The following CNTNAP4 variants were observed in gnomAD, a reference collection of about 807,000 sequenced individuals.
CNTNAP4 encodes the protein contactin associated protein family member 4.
Under a neutral mutation model 148.4 loss-of-function variants are expected in CNTNAP4, and 98 were observed. The observed-to-expected ratio is 0.66, with a 90% confidence interval of 0.56 to 0.78. The LOEUF is 0.78. CNTNAP4 is among the 30% of genes least tolerant of loss of function. The pLI is 0.00. For missense variants in CNTNAP4, 1,935 were observed against 1,565.6 expected (o/e 1.24, Z -3.98); for synonymous variants, 730 against 565.1 (o/e 1.29, Z -4.14).
intron 15 of CNTNAP4, among the ~76,000 whole-genome samples, chr16:76,511,235 A>G (rs1325971660): frequency 2.0e-5 from 3 of 152,162 alleles, no homozygotes; most frequent in Non-Finnish European, 4.4e-5. Flanking sequence ...ATGTTTAATC[A>G]AAGCACCCTG....
chr16:76,413,876 A>G (rs1324332475), intron 3 of CNTNAP4, among the ~76,000 whole-genome samples: 2 of 151,252 alleles, frequency 1.3e-5, no homozygotes, highest in Admixed American at 6.6e-5. Context: ...CAAAAATTTC[A>G]CTTTCTGTTG....
At chr16:76,548,893 T>C (rs1417805503) in intron 21 of CNTNAP4, among the ~76,000 whole-genome samples, 4 of 152,216 alleles carry the variant, frequency 2.6e-5, no homozygotes, top group African/African-American at 9.6e-5. Flanking sequence ...AGATATCTGA[T>C]GCTATGTATT....
At chr16:76,326,183 A>G (rs1186924804) in intron 2 of CNTNAP4, among the ~76,000 whole-genome samples, 1 of 152,232 alleles carries the variant, frequency 6.6e-6, no homozygotes, top group Middle Eastern at 3.2e-3. Context: ...AAGGAAAATT[A>G]AAAGCCACTC....
rs75518256 is a variant in CNTNAP4 at position 76,291,378 on chromosome 16, G to T, written c.85+13631G>T. Among the ~76,000 whole-genome samples, 1,215 of 152,248 alleles carry T rather than the reference G, an allele frequency of 8.0e-3. 18 individuals are homozygous for T. Among genetic ancestry groups the T allele is most frequent in the African/African-American group, 0.028 (1,157 of 41,538 alleles). ...CCACCACTGCCTGGTGGACATGGGG[G>T]TACCACTATCTATCCCTTCTTTTTC... is the stretch of plus-strand genomic sequence containing the variant. On this transcript the variant is annotated intron_variant, in intron 1 of 23. Coordinates refer to ENST00000611870, the MANE Select transcript of CNTNAP4 (RefSeq NM_033401.5).
At chr16:76,472,693 T>C (rs1387911444) in intron 10 of CNTNAP4, among the ~76,000 whole-genome samples, 1 of 152,322 alleles carries the variant, frequency 6.6e-6, no homozygotes, top group African/African-American at 2.4e-5. Flanking sequence ...CTCTTTGCCA[T>C]TGTGAATACT....
At position 76,396,386 on chromosome 16, in the gene CNTNAP4, A is replaced by ATG. The variant is rs2078206633; in HGVS notation, c.391-31063_391-31062dup. On this transcript the variant is annotated intron_variant, in intron 3 of 23. Coordinates refer to ENST00000611870, the MANE Select transcript of CNTNAP4 (RefSeq NM_033401.5). ...CGGTGCAAGGGACAGGATGCACCCT[A>ATG]TGTGAGTATCCTAATTTTTATCAAG... 1.3e-5 allele frequency among the ~76,000 whole-genome samples: 2 copies of ATG among 152,196 alleles called. 1 individual carries two copies. Among genetic ancestry groups the ATG allele is most frequent in the Non-Finnish European group, 2.9e-5 (2 of 68,026 alleles).
In CNTNAP4 at chr16:76,421,195, C is replaced by T. The variant is rs1490628340; in HGVS notation, c.391-6257C>T. On this transcript the variant is annotated intron_variant, in intron 3 of 23. Coordinates refer to ENST00000611870, the MANE Select transcript of CNTNAP4 (RefSeq NM_033401.5). Reference sequence around the variant, plus strand: ...CCATAGATTCTAATATAATGATTTGCACAAGGGGTCTCATCAAGTTATCAT... The same window carrying T: ...CCATAGATTCTAATATAATGATTTGTACAAGGGGTCTCATCAAGTTATCAT... Among the ~76,000 whole-genome samples the T allele has an allele frequency of 2.0e-5, 3 of 151,952 alleles. 1 individual carries two copies. Among genetic ancestry groups the T allele is most frequent in the South Asian group, 4.1e-4 (2 of 4,822 alleles).
At chr16:76,377,266 C>A (rs1174461742) in intron 3 of CNTNAP4, among the ~76,000 whole-genome samples, 2 of 152,022 alleles carry the variant, frequency 1.3e-5, no homozygotes, top group Non-Finnish European at 2.9e-5. Context: ...TTAAAAATAC[C>A]TTTAAAGAAA....
intron 3 of CNTNAP4, among the ~76,000 whole-genome samples, chr16:76,373,786 T>C (rs1453894036): frequency 6.6e-6 from 1 of 151,252 alleles, no homozygotes; most frequent in Non-Finnish European, 1.5e-5. Flanking sequence ...TCCCAGCTAC[T>C]TGGGAGGCTG....
At chr16:76,355,925 G>GA (rs1567830602) in intron 3 of CNTNAP4, among the ~76,000 whole-genome samples, 1 of 150,586 alleles carries the variant, frequency 6.6e-6, no homozygotes, top group African/African-American at 2.4e-5. Context: ...ACCCAGGCTG[G>GA]TTGCAGTGGC....
At chr16:76,499,796 C>G (rs1019911888) in intron 15 of CNTNAP4, among the ~76,000 whole-genome samples, 1 of 151,718 alleles carries the variant, frequency 6.6e-6, no homozygotes, top group African/African-American at 2.4e-5. Context: ...ATCTGTTTAA[C>G]AAAGCACATC....
At chr16:76,371,269 T>G (rs1367920474) in intron 3 of CNTNAP4, among the ~76,000 whole-genome samples, 1 of 152,024 alleles carries the variant, frequency 6.6e-6, no homozygotes, top group East Asian at 1.9e-4. Context: ...TTAATACACA[T>G]CTGTTTTCGT....
intron 3 of CNTNAP4, among the ~76,000 whole-genome samples, chr16:76,367,297 T>C (rs1048609935): frequency 3.3e-5 from 5 of 151,772 alleles, no homozygotes; most frequent in Middle Eastern, 3.2e-3. Context: ...GTAATACAGA[T>C]GCAGAAAAAA....
intron 3 of CNTNAP4, among the ~76,000 whole-genome samples, chr16:76,403,312 C>G (rs1244292990): frequency 6.6e-6 from 1 of 152,036 alleles, no homozygotes; most frequent in Non-Finnish European, 1.5e-5. Flanking sequence ...CCAGGATGGT[C>G]TCGATCTCCT....
intron 3 of CNTNAP4, among the ~76,000 whole-genome samples, chr16:76,381,190 G>C (rs1321626365): frequency 6.6e-6 from 1 of 152,142 alleles, no homozygotes; most frequent in Non-Finnish European, 1.5e-5. Context: ...TTAAAGATGA[G>C]AATCTTTCTG....
At chr16:76,515,197 A>G (rs1169430488) in intron 15 of CNTNAP4, among the ~76,000 whole-genome samples, 1 of 152,214 alleles carries the variant, frequency 6.6e-6, no homozygotes, top group East Asian at 1.9e-4. Flanking sequence ...TATCTGAGAA[A>G]GGACTAGTAT....
At chr16:76,280,413 T>G (rs904028487) in intron 1 of CNTNAP4, among the ~76,000 whole-genome samples, 2 of 152,172 alleles carry the variant, frequency 1.3e-5, no homozygotes, top group African/African-American at 4.8e-5. Flanking sequence ...GGTATATGTG[T>G]ATGTAGATAT....
intron 17 of CNTNAP4, among the ~76,000 whole-genome samples, chr16:76,529,209 T>C: frequency 6.6e-6 from 1 of 152,176 alleles, no homozygotes. Context: ...TGACATTGGG[T>C]CTTTACTATC....
intron 21 of CNTNAP4, among the ~76,000 whole-genome samples, chr16:76,544,528 T>C (rs566383395): frequency 6.6e-6 from 1 of 152,310 alleles, no homozygotes; most frequent in East Asian, 1.9e-4. Flanking sequence ...ACTTAATAAC[T>C]TTGGCAATAA....
Sources: gnomAD v4.1 joint callset for allele counts (sites outside exome capture counted in the v4.1 genomes callset) on GRCh38, gnomAD v4.1.1 for gene constraint, MANE v1.5 for transcripts, NCBI Gene and HGNC (gene_info 2026-07-23, HGNC 2026-07-21) for gene names.